The following ANKRD13C variants were observed in gnomAD, a reference collection of about 807,000 sequenced individuals.
ANKRD13C encodes the protein ankyrin repeat domain-containing protein 13C.
Under a neutral mutation model 65.5 loss-of-function variants are expected in ANKRD13C, and 16 were observed. The ratio of observed to expected loss-of-function variants is 0.24; its 90% CI spans 0.17 to 0.37. The LOEUF is 0.37. Ranked by LOEUF, ANKRD13C falls within the 10% of genes least tolerant of loss-of-function variation. ANKRD13C has a pLI of 1.00. For synonymous variants in ANKRD13C, 235 were observed against 238.7 expected (o/e 0.98, Z 0.14); for missense variants, 503 against 655.9 (o/e 0.77, Z 2.55).
Position 70,261,248 on chromosome 1 carries a change from A to T in ANKRD13C, c.*1469T>A, listed in dbSNP as rs1270197911. On this transcript the variant is annotated 3_prime_UTR_variant, in exon 13 of 13. Coordinates refer to ENST00000370944, the MANE Select transcript of ANKRD13C (RefSeq NM_030816.5). The stretch of plus-strand genomic sequence containing the variant: ...CAGTATGGAAGATGCAGCTTTAAAG[A>T]TGTTTATTTAAAATTTTTCTTACGG... 6.6e-6 allele frequency: 1 copy of T among 152,142 alleles called. No homozygotes were observed. Among genetic ancestry groups the T allele is most frequent in the East Asian group, 1.9e-4 (1 of 5,198 alleles). The allele number at this position is 152,142 out of a possible 1,614,324, so 9.4% of individuals were successfully genotyped here. A position where few individuals can be genotyped will look rare whatever the true frequency, so the allele number is the denominator to read the frequency against.
chr1:70,320,154 T>C (rs1421798890), intron 3 of ANKRD13C, among the ~76,000 whole-genome samples: 1 of 152,086 alleles, frequency 6.6e-6, no homozygotes, highest in Non-Finnish European at 1.5e-5. Flanking sequence ...GAAAGCCAGA[T>C]GGAAAGAACA....
intron 1 of ANKRD13C, among the ~76,000 whole-genome samples, chr1:70,352,496 T>TAG (rs1294792036): frequency 1.3e-5 from 2 of 152,190 alleles, no homozygotes; most frequent in Non-Finnish European, 2.9e-5. Context: ...AACAATCCTG[T>TAG]AATTCAATAG....
intron 2 of ANKRD13C, among the ~76,000 whole-genome samples, chr1:70,331,965 G>A (rs1180376068): frequency 2.0e-5 from 3 of 150,728 alleles, no homozygotes; most frequent in African/African-American, 7.3e-5. Context: ...TTTAAAAAGA[G>A]AATTATACAA....
intron 12 of ANKRD13C, among the ~76,000 whole-genome samples, chr1:70,268,522 T>C (rs573848861): frequency 2.1e-4 from 32 of 152,154 alleles, no homozygotes; most frequent in African/African-American, 7.7e-4. Context: ...AATGAAGACA[T>C]TACTCAAGCT....
At chr1:70,317,416 A>T (rs1271035752) in intron 3 of ANKRD13C, among the ~76,000 whole-genome samples, 4 of 152,108 alleles carry the variant, frequency 2.6e-5, no homozygotes, top group Non-Finnish European at 4.4e-5. Context: ...TTCTTAATAA[A>T]TTTTTTTAAA....
chr1:70,265,824 C>CAA lies in ANKRD13C; in HGVS notation c.1496-2979_1496-2978dup, dbSNP rs775757290. Among the ~76,000 whole-genome samples, 214 of 35,396 alleles carry CAA rather than the reference C, an allele frequency of 6.0e-3. 9 individuals carry two copies. The highest frequency in any genetic ancestry group is 8.2e-3 in the African/African-American group (69 of 8,440). 23.2% of individuals were successfully genotyped at this position (35,396 alleles called of 152,430 possible). On this transcript the variant is annotated intron_variant, in intron 12 of 12. Coordinates refer to ENST00000370944, the MANE Select transcript of ANKRD13C (RefSeq NM_030816.5). ...TGTGCAACAGTGTCAGACCTTGCCT[C>CAA]AAAAAAAAAAAAAAAAAAAAAAAAA...
At chr1:70,289,472 A>T (rs1284600138) in intron 9 of ANKRD13C, among the ~76,000 whole-genome samples, 2 of 146,668 alleles carry the variant, frequency 1.4e-5, no homozygotes, top group Admixed American at 6.8e-5. Context: ...CCAAATTATT[A>T]TTTTTTTTTT....
At chr1:70,305,298 G>C (rs537831542) in intron 6 of ANKRD13C, among the ~76,000 whole-genome samples, 51 of 152,110 alleles carry the variant, frequency 3.4e-4, no homozygotes, top group African/African-American at 1.1e-3. Flanking sequence ...ATGGTGAGAA[G>C]AACAACAAAC....
intron 1 of ANKRD13C, 83 bp from the exon 2 acceptor site, chr1:70,336,182 A>G: frequency 3.1e-6 from 1 of 318,982 alleles, no homozygotes; most frequent in Non-Finnish European, 5.6e-6. Flanking sequence ...CAGCTCCTTC[A>G]GAAATTTCAC....
chr1:70,295,581 T>G (rs548613570), intron 8 of ANKRD13C, among the ~76,000 whole-genome samples: 1 of 152,190 alleles, frequency 6.6e-6, no homozygotes, highest in African/African-American at 2.4e-5. Context: ...AATAGTCTTA[T>G]ATAACCTCTT....
intron 1 of ANKRD13C, among the ~76,000 whole-genome samples, chr1:70,348,065 T>C (rs1455568844): frequency 6.6e-6 from 1 of 152,084 alleles, no homozygotes; most frequent in African/African-American, 2.4e-5. Context: ...TAGCTAAAAT[T>C]TTTTTTTCCA....
At chr1:70,342,537 G>A (rs1178297602) in intron 1 of ANKRD13C, among the ~76,000 whole-genome samples, 2 of 151,960 alleles carry the variant, frequency 1.3e-5, no homozygotes, top group African/African-American at 2.4e-5. Flanking sequence ...ACTCCAACTC[G>A]GTGGAGGGGG....
intron 9 of ANKRD13C, among the ~76,000 whole-genome samples, chr1:70,281,752 G>A (rs1394314414): frequency 6.6e-6 from 1 of 151,446 alleles, no homozygotes; most frequent in East Asian, 2.0e-4. Flanking sequence ...TACAACTTCA[G>A]AATGGGCTCT....
At chr1:70,347,300 G>GC in intron 1 of ANKRD13C, among the ~76,000 whole-genome samples, 1 of 151,980 alleles carries the variant, frequency 6.6e-6, no homozygotes, top group East Asian at 1.9e-4. Flanking sequence ...TGTCTGCCTG[G>GC]CCCCCATCCA....
In ANKRD13C at chr1:70,261,928, C is replaced by A; in HGVS notation, c.*789G>T. The stretch of plus-strand genomic sequence containing the variant: ...ATGCTAACCATTACCTTATGATGAC[C>A]ATAACAAGGACTCAAACTCAAGTTT... On this transcript the variant is annotated 3_prime_UTR_variant, in exon 13 of 13. Coordinates refer to ENST00000370944, the MANE Select transcript of ANKRD13C (RefSeq NM_030816.5). 1 of 149,134 alleles carries A rather than the reference C, an allele frequency of 6.7e-6. No homozygotes were observed. 9.2% of individuals were successfully genotyped at this position (149,134 alleles called of 1,614,324 possible).
At position 70,313,784 on chromosome 1, in the gene ANKRD13C, C is replaced by T. The variant is rs1680949456; in HGVS notation, c.670G>A (p.Asp224Asn). 6.2e-7 allele frequency: 1 copy of T among 1,608,966 alleles called. No individual in the cohort carries two copies. Among genetic ancestry groups the T allele is most frequent in the African/African-American group, 1.3e-5 (1 of 74,816 alleles). ...RLLKALKELG[D>N]FYLELHWDFQ... ...TCCCAGTGAAGTTCTAGATAAAAGT[C>T]ACCTAGCTGAAAAATGAAATATGAA... Residue 224 changes from aspartate (D) to asparagine (N), a missense_variant, in exon 5 of 13, where the codon GAC becomes AAC. Asp to Asn is a conservative substitution (Grantham distance 23, BLOSUM62 1). Around this residue, in one of 2 missense-constraint regions of ANKRD13C, gnomAD observed 300 missense variants for 478.3 expected, o/e 0.63. Coordinates refer to ENST00000370944, the MANE Select transcript of ANKRD13C (RefSeq NM_030816.5).
chr1:70,332,062 GTCTAC>G (rs1405311051), intron 2 of ANKRD13C, among the ~76,000 whole-genome samples: 2 of 152,132 alleles, frequency 1.3e-5, no homozygotes, highest in African/African-American at 4.8e-5. Flanking sequence ...AATTGGTTGT[GTCTAC>G]TCTATTTGAA....
In ANKRD13C at chr1:70,269,187, T is replaced by C. The variant is rs531976929; in HGVS notation, c.1495+1669A>G. On this transcript the variant is annotated intron_variant, in intron 12 of 12. Transcript: ENST00000370944. ...GAAGGACAGAGAAACAAAAGAGAAA[T>C]AGTTAAACAAATACCCCATAACTTT... Among the ~76,000 whole-genome samples, 12 of 152,186 alleles carry C rather than the reference T, an allele frequency of 7.9e-5. No individual in the cohort carries two copies. The South Asian group carries it at 2.5e-3, about 32-fold the overall frequency.
chr1:70,294,384 T>C (rs1202842523), intron 8 of ANKRD13C, among the ~76,000 whole-genome samples: 2 of 152,228 alleles, frequency 1.3e-5, no homozygotes, highest in Non-Finnish European at 2.9e-5. Context: ...GGCTACGCTA[T>C]GATGCCAGGT....
Sources: allele counts gnomAD v4.1 joint callset (sites outside exome capture counted in the v4.1 genomes callset), GRCh38; gene constraint gnomAD v4.1.1; regional missense constraint gnomAD v4.1.1; transcripts MANE v1.5; gene names NCBI Gene and HGNC (gene_info 2026-07-23, HGNC 2026-07-21).